Variants in GPC5 observed in about 807,000 individuals in gnomAD.
The protein encoded by GPC5 is glypican-5.
Under a neutral mutation model 53.9 loss-of-function variants are expected in GPC5, and 47 were observed. That is an observed-to-expected ratio of 0.87 (90% CI 0.69 to 1.11). GPC5 has a LOEUF of 1.11. Among genes scored for constraint, GPC5 ranks in the 50% most tolerant of loss-of-function variants. GPC5 has a pLI of 0.00. For missense variants in GPC5, 748 were observed against 713.1 expected (o/e 1.05, Z -0.56); for synonymous variants, 286 against 263.3 (o/e 1.09, Z -0.84).
At chr13:91,868,558 A>T (rs2039109215) in intron 5 of GPC5, among the ~76,000 whole-genome samples, 1 of 152,148 alleles carries the variant, frequency 6.6e-6, no homozygotes, top group Admixed American at 6.6e-5. Flanking sequence ...TTAAAAAATT[A>T]GCTGGGTCTG....
chr13:91,776,955 A>G (rs982466197), intron 5 of GPC5, among the ~76,000 whole-genome samples: 1 of 152,208 alleles, frequency 6.6e-6, no homozygotes, highest in African/African-American at 2.4e-5. Flanking sequence ...TCCTGCCAGC[A>G]TACACCTACT....
chr13:92,863,047 G>A (rs1359430152), intron 7 of GPC5, among the ~76,000 whole-genome samples: 1 of 152,128 alleles, frequency 6.6e-6, no homozygotes, highest in Admixed American at 6.6e-5. Context: ...AATACTTCCA[G>A]TTACTTGATT....
At chr13:92,062,836 A>G (rs1379345983) in intron 6 of GPC5, among the ~76,000 whole-genome samples, 2 of 152,046 alleles carry the variant, frequency 1.3e-5, no homozygotes, top group Non-Finnish European at 2.9e-5. Context: ...AACAATTTAT[A>G]TGCAGTGTAA....
At chr13:92,752,770 C>T (rs1466506080) in intron 7 of GPC5, among the ~76,000 whole-genome samples, 1 of 152,154 alleles carries the variant, frequency 6.6e-6, no homozygotes, top group East Asian at 1.9e-4. Context: ...CCGAATACTG[C>T]ACTTTTCCAA....
chr13:92,755,539 G>T (rs894447146), intron 7 of GPC5, among the ~76,000 whole-genome samples: 5 of 151,574 alleles, frequency 3.3e-5, no homozygotes, highest in African/African-American at 1.2e-4. Flanking sequence ...ATGAATCCAG[G>T]AGCTGGTTTT....
chr13:91,475,801 C>T (rs1005652719), intron 2 of GPC5, among the ~76,000 whole-genome samples: 4 of 152,102 alleles, frequency 2.6e-5, no homozygotes, highest in African/African-American at 9.7e-5. Flanking sequence ...AATTGGTACA[C>T]GGTAAATTCT....
intron 7 of GPC5, among the ~76,000 whole-genome samples, chr13:92,563,206 G>A (rs1210075145): frequency 6.6e-6 from 1 of 151,870 alleles, no homozygotes; most frequent in Non-Finnish European, 1.5e-5. Flanking sequence ...TAGCTTTTTA[G>A]AATTAATATG....
At chr13:91,961,286 G>GTA (rs768771973) in intron 6 of GPC5, among the ~76,000 whole-genome samples, 34 of 151,530 alleles carry the variant, frequency 2.2e-4, no homozygotes, top group Admixed American at 3.3e-4. Flanking sequence ...CATGTACCTT[G>GTA]TATATATATA....
intron 6 of GPC5, among the ~76,000 whole-genome samples, chr13:92,094,513 T>C (rs1594760405): frequency 1.3e-5 from 1 of 77,112 alleles, no homozygotes; most frequent in African/African-American, 6.0e-5. Context: ...AGAGCAAGAC[T>C]CCGTCTCAAA....
At chr13:92,279,407 A>G (rs2042897639) in intron 7 of GPC5, among the ~76,000 whole-genome samples, 1 of 152,040 alleles carries the variant, frequency 6.6e-6, no homozygotes, top group African/African-American at 2.4e-5. Flanking sequence ...AATATTGTTT[A>G]ATATAGAAAA....
At chr13:92,488,165 A>G (rs1369457786) in intron 7 of GPC5, among the ~76,000 whole-genome samples, 1 of 152,066 alleles carries the variant, frequency 6.6e-6, no homozygotes, top group Non-Finnish European at 1.5e-5. Context: ...AAGTTTGTAA[A>G]TTTAATCCAG....
At chr13:91,993,099 GAC>G (rs1307685865) in intron 6 of GPC5, among the ~76,000 whole-genome samples, 1 of 152,136 alleles carries the variant, frequency 6.6e-6, no homozygotes, top group Non-Finnish European at 1.5e-5. Context: ...CTCTCTCTGA[GAC>G]AGACACATAT....
At chr13:92,186,633 A>G (rs2042185684) in intron 7 of GPC5, among the ~76,000 whole-genome samples, 1 of 152,178 alleles carries the variant, frequency 6.6e-6, no homozygotes, top group South Asian at 2.1e-4. Context: ...TTTCCAGAAA[A>G]ACTCAAAATT....
At chr13:91,517,665 G>A (rs1038370369) in intron 2 of GPC5, among the ~76,000 whole-genome samples, 6 of 151,942 alleles carry the variant, frequency 3.9e-5, no homozygotes, top group Admixed American at 2.0e-4. Context: ...CACTCTACTG[G>A]TACCAATTTT....
chr13:91,707,851 A>G (rs543366147), intron 3 of GPC5, among the ~76,000 whole-genome samples: 6 of 152,268 alleles, frequency 3.9e-5, no homozygotes, highest in Admixed American at 1.3e-4. Context: ...CAAAAAAAAT[A>G]CATAGATGAT....
chr13:92,385,597 A>ACATATATG (rs1874641637), intron 7 of GPC5, among the ~76,000 whole-genome samples: 14 of 136,322 alleles, frequency 1.0e-4, no homozygotes, highest in Admixed American at 9.1e-4. Flanking sequence ...ACGCATATAT[A>ACATATATG]CATATATACA....
At chr13:92,389,787 A>G (rs1874911452) in intron 7 of GPC5, among the ~76,000 whole-genome samples, 1 of 152,198 alleles carries the variant, frequency 6.6e-6, no homozygotes, top group Admixed American at 6.5e-5. Context: ...ACACACTGAT[A>G]TTAGTCATTA....
intron 7 of GPC5, among the ~76,000 whole-genome samples, chr13:92,566,491 G>A (rs1882868455): frequency 6.6e-6 from 1 of 152,046 alleles, no homozygotes; most frequent in Non-Finnish European, 1.5e-5. Context: ...AGGCTTTCAG[G>A]GCCCCAAGGG....
chr13:92,483,851 G>A (rs1401323081), intron 7 of GPC5, among the ~76,000 whole-genome samples: 1 of 151,382 alleles, frequency 6.6e-6, no homozygotes, highest in Non-Finnish European at 1.5e-5. Context: ...AGTCTTGCCA[G>A]GCACTGTGGT....
Sources: gnomAD v4.1 joint callset for allele counts (sites outside exome capture counted in the v4.1 genomes callset) on GRCh38, gnomAD v4.1.1 for gene constraint, MANE v1.5 for transcripts, NCBI Gene and HGNC (gene_info 2026-07-23, HGNC 2026-07-21) for gene names.